Variants in ZCCHC17 observed in about 807,000 individuals in gnomAD.
ZCCHC17 encodes the protein zinc finger CCHC domain-containing protein 17.
Under a neutral mutation model 30.6 loss-of-function variants are expected in ZCCHC17, and 18 were observed. The ratio of observed to expected loss-of-function variants is 0.59; its 90% CI spans 0.41 to 0.87. The LOEUF is 0.87. Ranked by LOEUF, ZCCHC17 falls within the 40% of genes least tolerant of loss-of-function variation. The pLI, the probability that ZCCHC17 is intolerant of heterozygous loss-of-function variation, is 0.00. For missense variants in ZCCHC17, 263 were observed against 284.2 expected (o/e 0.93, Z 0.54); for synonymous variants, 88 against 92.4 (o/e 0.95, Z 0.27).
rs1457118548 is a variant in ZCCHC17, at chr1:31,349,484, C to T, written c.564+510C>T. Reference sequence around the variant, plus strand: ...TAGCTGGAACTACAGGCATGCGCCACCATGCCCGGCTAATTTTTGTATTTT... The same window carrying T: ...TAGCTGGAACTACAGGCATGCGCCATCATGCCCGGCTAATTTTTGTATTTT... On this transcript the variant is annotated intron_variant, in intron 7 of 7. Coordinates refer to ENST00000344147, the MANE Select transcript of ZCCHC17 (RefSeq NM_016505.4). Among the ~76,000 whole-genome samples the T allele has an allele frequency of 2.0e-5, 3 of 149,730 alleles. No homozygotes were observed. The Admixed American group carries it at 2.0e-4, about 10-fold the overall frequency.
At chr1:31,337,780 G>A (rs1227282208) in intron 4 of ZCCHC17, among the ~76,000 whole-genome samples, 2 of 151,918 alleles carry the variant, frequency 1.3e-5, no homozygotes, top group Admixed American at 1.3e-4. Flanking sequence ...GGTGTGGGCC[G>A]ACCACAGGAG....
intron 1 of ZCCHC17, among the ~76,000 whole-genome samples, chr1:31,308,615 G>A (rs1207733333): frequency 6.6e-6 from 1 of 152,196 alleles, no homozygotes; most frequent in Non-Finnish European, 1.5e-5. Context: ...ATTTATCTTG[G>A]CAGTGATTTA....
intron 4 of ZCCHC17, among the ~76,000 whole-genome samples, chr1:31,338,543 A>C (rs1188014020): frequency 6.6e-6 from 1 of 152,214 alleles, no homozygotes; most frequent in Non-Finnish European, 1.5e-5. Context: ...CAATGTGACA[A>C]ATGTCTTCAT....
intron 1 of ZCCHC17, among the ~76,000 whole-genome samples, chr1:31,306,638 C>T (rs540207242): frequency 8.5e-5 from 13 of 152,146 alleles, no homozygotes; most frequent in Non-Finnish European, 1.5e-4. Context: ...GACTACTGTA[C>T]TGTTATATTT....
chr1:31,307,698 C>G (rs1272367272), intron 1 of ZCCHC17, among the ~76,000 whole-genome samples: 1 of 152,112 alleles, frequency 6.6e-6, no homozygotes, highest in Non-Finnish European at 1.5e-5. Context: ...CCTCAGCCTC[C>G]CAAGTAGTTG....
intron 2 of ZCCHC17, among the ~76,000 whole-genome samples, chr1:31,313,258 G>A (rs1206333535): frequency 6.6e-6 from 1 of 151,420 alleles, no homozygotes; most frequent in Non-Finnish European, 1.5e-5. Flanking sequence ...TTTCTGTAGA[G>A]ACAAGGTCTC....
At chr1:31,320,259 A>G (rs1010607286) in intron 3 of ZCCHC17, among the ~76,000 whole-genome samples, 3 of 152,206 alleles carry the variant, frequency 2.0e-5, no homozygotes, top group African/African-American at 7.2e-5. Flanking sequence ...AAAAAAGCTA[A>G]TCTCAAAAGG....
intron 3 of ZCCHC17, among the ~76,000 whole-genome samples, chr1:31,319,874 T>TA (rs959124550): frequency 1.2e-4 from 19 of 152,218 alleles, no homozygotes; most frequent in African/African-American, 4.6e-4. Context: ...TTTAACATTT[T>TA]AAAAAAAGGC....
At chr1:31,342,453 G>A (rs1440393342) in intron 5 of ZCCHC17, among the ~76,000 whole-genome samples, 1 of 152,184 alleles carries the variant, frequency 6.6e-6, no homozygotes, top group Admixed American at 6.5e-5. Flanking sequence ...TGTCACCAAG[G>A]ACTACTTTTG....
At chr1:31,307,993 G>A (rs1172587428) in intron 1 of ZCCHC17, among the ~76,000 whole-genome samples, 1 of 152,208 alleles carries the variant, frequency 6.6e-6, no homozygotes, top group African/African-American at 2.4e-5. Flanking sequence ...TCAAGTGTTG[G>A]AGGGATAATA....
In ZCCHC17 at chr1:31,364,205, G is replaced by A; in HGVS notation, c.*12G>A. 1 of 1,607,236 alleles carries A rather than the reference G, an allele frequency of 6.2e-7. No homozygotes were observed. Among genetic ancestry groups the A allele is most frequent in the Non-Finnish European group, 8.5e-7 (1 of 1,177,824 alleles). On this transcript the variant is annotated 3_prime_UTR_variant, in exon 8 of 8. Transcript: ENST00000344147. Reference sequence around the variant, plus strand: ...AGCACAAGGAGTGAGAGTATAAAGAGTGTAGGGGGTGGTTGAGAGTAAGAA... The same window carrying A: ...AGCACAAGGAGTGAGAGTATAAAGAATGTAGGGGGTGGTTGAGAGTAAGAA...
At chr1:31,343,932 G>A (rs1490866021) in intron 5 of ZCCHC17, among the ~76,000 whole-genome samples, 1 of 138,294 alleles carries the variant, frequency 7.2e-6, no homozygotes, top group African/African-American at 2.8e-5. Context: ...TCGGCTCACT[G>A]CAACCTCCAC....
chr1:31,336,145 T>C (rs1054299950), intron 3 of ZCCHC17, among the ~76,000 whole-genome samples: 1 of 152,226 alleles, frequency 6.6e-6, no homozygotes, highest in East Asian at 1.9e-4. Context: ...CAATCTCAGC[T>C]CACTCCAACC....
intron 4 of ZCCHC17, among the ~76,000 whole-genome samples, 154 bp from the exon 5 acceptor site, chr1:31,338,802 CT>C (rs1332962562): frequency 6.6e-6 from 1 of 152,166 alleles, no homozygotes; most frequent in Non-Finnish European, 1.5e-5. Context: ...CAGGGTCTAC[CT>C]GTTATGCTTA....
Position 31,333,405 on chromosome 1 carries a change from C to T in ZCCHC17, c.125-3770C>T, listed in dbSNP as rs555788833. 2.0e-5 allele frequency among the ~76,000 whole-genome samples: 3 copies of T among 152,146 alleles called. No homozygotes were observed. In the South Asian group the frequency reaches 6.2e-4, roughly 32 times the overall value. On this transcript the variant is annotated intron_variant, in intron 3 of 7. Transcript: ENST00000344147. ...GGGCGTGGTGGCAGGCACCTGTAAT[C>T]GCAGCTACTCGGGAGGCTGAGGCAG...
At chr1:31,308,206 A>G (rs1646513691) in intron 1 of ZCCHC17, among the ~76,000 whole-genome samples, 2 of 152,238 alleles carry the variant, frequency 1.3e-5, no homozygotes, top group African/African-American at 4.8e-5. Context: ...TGCCTGTATT[A>G]GCTCTGTGTA....
At chr1:31,341,694 A>G (rs1243770854) in intron 5 of ZCCHC17, among the ~76,000 whole-genome samples, 1 of 152,236 alleles carries the variant, frequency 6.6e-6, no homozygotes, top group Non-Finnish European at 1.5e-5. Flanking sequence ...CCAAACTAAT[A>G]TATGACTTTG....
chr1:31,327,034 G>T (rs1327898207), intron 3 of ZCCHC17, among the ~76,000 whole-genome samples: 1 of 152,168 alleles, frequency 6.6e-6, no homozygotes, highest in East Asian at 1.9e-4. Flanking sequence ...CTGAGTTGAA[G>T]ACCCCTTCCT....
chr1:31,363,401 T>C (rs1447209972), intron 7 of ZCCHC17, among the ~76,000 whole-genome samples: 1 of 152,192 alleles, frequency 6.6e-6, no homozygotes, highest in East Asian at 1.9e-4. Context: ...GCCAGGATGG[T>C]CTCGATCTCC....
Sources: allele counts gnomAD v4.1 joint callset (sites outside exome capture counted in the v4.1 genomes callset), GRCh38; gene constraint gnomAD v4.1.1; transcripts MANE v1.5; gene names NCBI Gene and HGNC (gene_info 2026-07-23, HGNC 2026-07-21).